LYRM4: variants seen among roughly 807,000 people sequenced by gnomAD.
LYRM4 encodes LYR motif containing 4.
In LYRM4, 9 loss-of-function variants were observed where a neutral mutation model predicts 11.7. The observed-to-expected ratio is 0.77, with a 90% CI of 0.46 to 1.34. The LOEUF is 1.34. Ranked by LOEUF, LYRM4 falls within the 40% of genes most tolerant of loss-of-function variation. The probability of loss-of-function intolerance (pLI) is 0.00; values close to 1 mark genes in which losing one functional copy is unlikely to be tolerated. For missense variants in LYRM4, 133 were observed against 112.5 expected (o/e 1.18, Z -0.82); for synonymous variants, 42 against 40.4 (o/e 1.04, Z -0.15).
At chr6:5,119,474 C>G (rs1581311646) in intron 2 of LYRM4, among the ~76,000 whole-genome samples, 1 of 152,084 alleles carries the variant, frequency 6.6e-6, no homozygotes, top group Admixed American at 6.6e-5. Flanking sequence ...GGCTTGTTGT[C>G]TTTCTGAATG....
At chr6:5,085,839 GC>G in the LYRM4 span, 1 of 1,528,656 alleles carries the variant, frequency 6.5e-7, no homozygotes, top group Non-Finnish European at 8.8e-7. Flanking sequence ...AGGACGCACA[GC>G]TCGGCCCGGG....
intron 1 of LYRM4, among the ~76,000 whole-genome samples, chr6:5,226,958 G>A (rs1226172222): frequency 6.6e-6 from 1 of 152,076 alleles, no homozygotes; most frequent in African/African-American, 2.4e-5. Flanking sequence ...ATGGGGAAGG[G>A]TATATACAAT....
intron 2 of LYRM4, among the ~76,000 whole-genome samples, chr6:5,116,737 A>G (rs1461648662): frequency 6.6e-6 from 1 of 152,228 alleles, no homozygotes; most frequent in Non-Finnish European, 1.5e-5. Flanking sequence ...AGTCCATTGG[A>G]AAAGTACACA....
chr6:5,138,487 C>CAAAAAAAAA lies in LYRM4; in HGVS notation c.208-29005_208-28997dup, dbSNP rs765741377. 2.5e-3 allele frequency among the ~76,000 whole-genome samples: 125 copies of CAAAAAAAAA among 49,688 alleles called. 5 individuals are homozygous for CAAAAAAAAA. Among genetic ancestry groups the CAAAAAAAAA allele is most frequent in the African/African-American group, 3.3e-3 (40 of 12,068 alleles). 32.6% of individuals were successfully genotyped at this position (49,688 alleles called of 152,430 possible). ...GGCCAACAGAGTGAGACCCTGTCTCCAAAAAAAAAAAAAAAAAAAAAAAAA... is the reference window on the plus strand; with the variant it reads ...GGCCAACAGAGTGAGACCCTGTCTCCAAAAAAAAAAAAAAAAAAAAAAAAAAAAAAAAAA... On this transcript the variant is annotated intron_variant, in intron 2 of 2. Coordinates refer to ENST00000330636, the MANE Select transcript of LYRM4 (RefSeq NM_020408.6).
chr6:5,136,274 T>G, intron 2 of LYRM4: 1 of 983,548 alleles, frequency 1.0e-6, no homozygotes, highest in Non-Finnish European at 1.2e-6. Flanking sequence ...ACTAGATCAT[T>G]TGGTCATTCT....
At position 5,260,905 on chromosome 6, in the gene LYRM4, C is replaced by A. The variant is rs1765054346; in HGVS notation, c.-172G>T. 2 of 1,379,330 alleles carry A rather than the reference C, an allele frequency of 1.4e-6. No individual in the cohort carries two copies. The highest frequency in any genetic ancestry group is 2.9e-5 in the East Asian group (1 of 34,306). 85.4% of individuals were successfully genotyped at this position (1,379,330 alleles called of 1,614,324 possible). On this transcript the variant is annotated 5_prime_UTR_variant, in exon 1 of 3. Coordinates refer to ENST00000330636, the MANE Select transcript of LYRM4 (RefSeq NM_020408.6). ...GGGCAGCCCTGCGGATCGCGGACGGCGCCAGGCGTCCCGCGCCGCTTCGGG... is the reference window on the plus strand; with the variant it reads ...GGGCAGCCCTGCGGATCGCGGACGGAGCCAGGCGTCCCGCGCCGCTTCGGG...
At chr6:5,049,252 G>A in the LYRM4 span, among the ~76,000 whole-genome samples, 1 of 152,092 alleles carries the variant, frequency 6.6e-6, no homozygotes, top group Non-Finnish European at 1.5e-5. Flanking sequence ...ATAACATAGA[G>A]CCCCCTACCA....
the LYRM4 span, among the ~76,000 whole-genome samples, chr6:5,094,531 C>T: frequency 1.3e-5 from 2 of 152,168 alleles, no homozygotes; most frequent in Non-Finnish European, 2.9e-5. Context: ...GCTTGAGCAA[C>T]GTGCCTGGTG....
chr6:5,214,477 CCTTG>C, intron 2 of LYRM4, among the ~76,000 whole-genome samples: 1 of 152,108 alleles, frequency 6.6e-6, no homozygotes, highest in African/African-American at 2.4e-5. Flanking sequence ...GAAGCAAGAG[CCTTG>C]AAGGGGTTGA....
intron 2 of LYRM4, among the ~76,000 whole-genome samples, chr6:5,207,478 T>C (rs1414317024): frequency 6.6e-6 from 1 of 152,206 alleles, no homozygotes; most frequent in Non-Finnish European, 1.5e-5. Context: ...GGATTGTCTT[T>C]CCTAAAAGAT....
chr6:5,077,802 A>C, the LYRM4 span, among the ~76,000 whole-genome samples: 1 of 152,204 alleles, frequency 6.6e-6, no homozygotes, highest in Non-Finnish European at 1.5e-5. Flanking sequence ...AAAATAAATG[A>C]TTATACAACT....
intron 1 of LYRM4, among the ~76,000 whole-genome samples, chr6:5,226,296 G>A (rs1762889783): frequency 6.6e-6 from 1 of 152,120 alleles, no homozygotes; most frequent in Admixed American, 6.5e-5. Context: ...TGTGTTTCAT[G>A]GCTTAGTTTT....
At chr6:5,205,952 C>G (rs1392890637) in intron 2 of LYRM4, among the ~76,000 whole-genome samples, 1 of 152,236 alleles carries the variant, frequency 6.6e-6, no homozygotes, top group East Asian at 1.9e-4. Flanking sequence ...AAGTGCAGCT[C>G]CAGGCTTTTC....
intron 2 of LYRM4, among the ~76,000 whole-genome samples, chr6:5,178,720 G>A (rs1326503318): frequency 5.9e-5 from 8 of 135,810 alleles, no homozygotes; most frequent in Non-Finnish European, 7.7e-5. Context: ...CAGAAGAATC[G>A]CTTGAACCCG....
chr6:5,245,106 AAAAAAAAATATATATATATATATATAT>A (rs1764096834), intron 1 of LYRM4, among the ~76,000 whole-genome samples: 12 of 52,412 alleles, frequency 2.3e-4, no homozygotes, highest in African/African-American at 6.3e-4. Context: ...AAAAAAAAAA[AAAAAAAAATATATATATATATATATAT>A]ATATATATAT....
chr6:5,176,067 A>ATT (rs35408965), intron 2 of LYRM4, among the ~76,000 whole-genome samples: 2 of 148,828 alleles, frequency 1.3e-5, no homozygotes, highest in African/African-American at 2.5e-5. Flanking sequence ...TACGCTATTA[A>ATT]TTTTTTTTTT....
intron 2 of LYRM4, among the ~76,000 whole-genome samples, chr6:5,196,195 C>T (rs915577357): frequency 6.6e-6 from 1 of 152,170 alleles, no homozygotes; most frequent in African/African-American, 2.4e-5. Flanking sequence ...CTCTGCCTTT[C>T]CAGTCCCCAT....
rs758668993 is a variant in LYRM4 at position 5,216,598 on chromosome 6, A to T, written c.207+20T>A. On this transcript the variant is annotated intron_variant, in intron 2 of 2. Transcript: ENST00000330636. ...TTTAAAGCTCTTAATGAAAAACAGTACATCATTGAACCATCTTACCTGTCG... is the reference window on the plus strand; with the variant it reads ...TTTAAAGCTCTTAATGAAAAACAGTTCATCATTGAACCATCTTACCTGTCG... 6.2e-7 allele frequency: 1 copy of T among 1,613,536 alleles called. No individual in the cohort carries two copies. Among genetic ancestry groups the T allele is most frequent in the Non-Finnish European group, 8.5e-7 (1 of 1,179,858 alleles).
chr6:5,117,845 C>T (rs1263831112), intron 2 of LYRM4, among the ~76,000 whole-genome samples: 1 of 151,906 alleles, frequency 6.6e-6, no homozygotes, highest in Non-Finnish European at 1.5e-5. Flanking sequence ...AAATACTGCA[C>T]TCTAGTCTCA....
Sources: allele counts gnomAD v4.1 joint callset (sites outside exome capture counted in the v4.1 genomes callset), GRCh38; gene constraint gnomAD v4.1.1; transcripts MANE v1.5; gene names NCBI Gene and HGNC (gene_info 2026-07-23, HGNC 2026-07-21).